LEKR1: variants seen among roughly 807,000 people sequenced by gnomAD.
LEKR1 encodes the protein protein LEKR1.
A neutral mutation model predicts 72.4 loss-of-function variants in LEKR1; 59 were observed. The ratio of observed to expected loss-of-function variants is 0.82; its 90% CI spans 0.66 to 1.01. LEKR1 has a LOEUF of 1.01. Ranked by LOEUF, LEKR1 falls within the 50% of genes least tolerant of loss-of-function variation. LEKR1 has a pLI of 0.00. For missense variants in LEKR1, 728 were observed against 759.2 expected, an observed-to-expected ratio of 0.96 and a Z score of 0.48; for synonymous variants, 257 against 263.2, an observed-to-expected ratio of 0.98 and a Z score of 0.23.
At chr3:156,985,480 G>A (rs891423440) in intron 7 of LEKR1, among the ~76,000 whole-genome samples, 1 of 152,156 alleles carries the variant, frequency 6.6e-6, no homozygotes, top group African/African-American at 2.4e-5. Flanking sequence ...AGAGTTTCAT[G>A]TCCTAATCCC....
chr3:157,025,061 A>G (rs1014378099), intron 11 of LEKR1, 137 bp downstream of exon 11: 230 of 566,626 alleles, frequency 4.1e-4, no homozygotes, highest in Non-Finnish European at 6.1e-5. Context: ...TTAGCTATGC[A>G]GGTAAGACGG....
intron 9 of LEKR1, among the ~76,000 whole-genome samples, chr3:157,001,614 A>G (rs1199492025): frequency 6.6e-6 from 1 of 152,150 alleles, no homozygotes; most frequent in Non-Finnish European, 1.5e-5. Context: ...AATTGTGGCA[A>G]CTCCAAAAAT....
intron 12 of LEKR1, among the ~76,000 whole-genome samples, chr3:157,031,014 A>T (rs1411395911): frequency 6.6e-6 from 1 of 152,190 alleles, no homozygotes; most frequent in Non-Finnish European, 1.5e-5. Context: ...TCCATTTATT[A>T]CAAATGAATC....
chr3:156,843,589 C>T (rs1384421597), intron 2 of LEKR1, among the ~76,000 whole-genome samples: 6 of 152,170 alleles, frequency 3.9e-5, no homozygotes, highest in Non-Finnish European at 5.9e-5. Context: ...AGTAACAGCT[C>T]ATTTTGTCCT....
chr3:156,992,774 C>A (rs1331725137), intron 8 of LEKR1, 44 bp downstream of exon 8: 5 of 377,786 alleles, frequency 1.3e-5, no homozygotes, highest in Non-Finnish European at 2.1e-5. Flanking sequence ...AATAATTGAA[C>A]TTAAAACTGT....
intron 6 of LEKR1, among the ~76,000 whole-genome samples, chr3:156,976,249 A>G (rs893890221): frequency 6.6e-6 from 1 of 152,208 alleles, no homozygotes; most frequent in Non-Finnish European, 1.5e-5. Flanking sequence ...ATTGAGAATT[A>G]ACTGCATAAA....
At chr3:157,024,709 C>G in intron 10 of LEKR1, 51 bp from the exon 11 acceptor site, 1 of 1,321,556 alleles carries the variant, frequency 7.6e-7, no homozygotes, top group Non-Finnish European at 1.1e-6. Flanking sequence ...GCTTAATGTA[C>G]TTATTTTAAG....
At position 157,042,130 on chromosome 3, in the gene LEKR1, G is replaced by A. The variant is rs1416940505; in HGVS notation, c.1669-3210G>A. ...AATTTTAGAGGAGGAGGTAATGGTG[G>A]CAGATGATATGAAGATATTGTGAGG... is the stretch of plus-strand genomic sequence containing the variant. On this transcript the variant is annotated intron_variant, in intron 12 of 12. Transcript: ENST00000356539. Among the ~76,000 whole-genome samples, 3 of 152,076 alleles carry A rather than the reference G, an allele frequency of 2.0e-5. No homozygotes were observed. The East Asian group carries it at 5.8e-4, about 29-fold the overall frequency.
At chr3:156,993,039 G>A in intron 8 of LEKR1, 35 bp from the exon 9 acceptor site, 1 of 1,115,686 alleles carries the variant, frequency 9.0e-7, no homozygotes, top group South Asian at 1.5e-5. Flanking sequence ...AGTATATAAT[G>A]TATGTTGGTG....
chr3:156,993,333 T>C, intron 9 of LEKR1, 56 bp downstream of exon 9: 1 of 1,148,720 alleles, frequency 8.7e-7, no homozygotes, highest in Non-Finnish European at 1.2e-6. Flanking sequence ...TAGTATTCCA[T>C]ATATATTTGC....
chr3:156,996,979 C>T (rs540582791), intron 9 of LEKR1, among the ~76,000 whole-genome samples: 22 of 151,534 alleles, frequency 1.5e-4, no homozygotes, highest in Admixed American at 1.2e-3. Flanking sequence ...GCAGGAGAAT[C>T]GTCTGAACCT....
At chr3:156,980,790 A>G (rs1730131400) in intron 7 of LEKR1, among the ~76,000 whole-genome samples, 1 of 152,172 alleles carries the variant, frequency 6.6e-6, no homozygotes, top group Non-Finnish European at 1.5e-5. Flanking sequence ...TATATAGTGG[A>G]GTCTTAGAAA....
At chr3:156,993,028 T>C (rs1731260267) in intron 8 of LEKR1, 46 bp from the exon 9 acceptor site, 2 of 943,566 alleles carry the variant, frequency 2.1e-6, no homozygotes, top group Non-Finnish European at 3.2e-6. Context: ...ATATAAAATG[T>C]AGTATATAAT....
At chr3:156,947,181 A>G (rs1440849163) in intron 6 of LEKR1, among the ~76,000 whole-genome samples, 1 of 150,620 alleles carries the variant, frequency 6.6e-6, no homozygotes, top group Non-Finnish European at 1.5e-5. Flanking sequence ...TCTTGCTTTA[A>G]GATGCATTGT....
intron 4 of LEKR1, among the ~76,000 whole-genome samples, chr3:156,923,575 T>C (rs1213649016): frequency 1.3e-5 from 2 of 152,210 alleles, no homozygotes; most frequent in African/African-American, 2.4e-5. Context: ...CATTTACCAG[T>C]TGATGGATAT....
chr3:156,949,376 A>C (rs1384047173), intron 6 of LEKR1, among the ~76,000 whole-genome samples: 1 of 151,714 alleles, frequency 6.6e-6, no homozygotes, highest in Non-Finnish European at 1.5e-5. Context: ...AGTATTCTGC[A>C]TATGGCTAGC....
chr3:156,993,260 A>C lies in LEKR1; in HGVS notation c.1092A>C (p.Leu364Phe). The change falls in exon 9 of 13, where the codon TTA (leucine) becomes TTC (phenylalanine). Residue 364 changes from leucine (L) to phenylalanine (F), a missense_variant. Physicochemically the swap from Leu to Phe is conservative, Grantham distance 22 (BLOSUM62 0). Coordinates refer to ENST00000356539, the MANE Select transcript of LEKR1 (RefSeq NM_001004316.3). ...TLLNQTREEV[L>F]TLKNERELML... ...TGAATCAGACAAGGGAAGAGGTTTT[A>C]ACACTGAAAAATGAAAGGTGCAGTA... 1 of 1,592,890 alleles carries C rather than the reference A, an allele frequency of 6.3e-7. No homozygotes were observed. The highest frequency in any genetic ancestry group is 8.5e-7 in the Non-Finnish European group (1 of 1,173,396).
At chr3:157,031,037 C>T (rs549206627) in intron 12 of LEKR1, among the ~76,000 whole-genome samples, 1 of 152,202 alleles carries the variant, frequency 6.6e-6, no homozygotes, top group South Asian at 2.1e-4. Flanking sequence ...TAAGTCCAAC[C>T]CACACTCGAG....
chr3:156,861,587 T>C (rs17440944), intron 3 of LEKR1, among the ~76,000 whole-genome samples: 4,835 of 152,220 alleles, frequency 0.032, 118 homozygotes, highest in Non-Finnish European at 0.047. Flanking sequence ...GGAAGTCTGC[T>C]TGGGCATAGG....
Sources: gnomAD v4.1 joint callset for allele counts (sites outside exome capture counted in the v4.1 genomes callset) on GRCh38, gnomAD v4.1.1 for gene constraint, MANE v1.5 for transcripts, NCBI Gene and HGNC (gene_info 2026-07-23, HGNC 2026-07-21) for gene names.